AGO3: variants seen among roughly 807,000 people sequenced by gnomAD.
AGO3 encodes the protein argonaute RISC catalytic component 3.
In AGO3, 16 loss-of-function variants were observed where a neutral mutation model predicts 105.5. That is an observed-to-expected ratio of 0.15 (90% confidence interval 0.10 to 0.23). The LOEUF is 0.23. Ranked by LOEUF, AGO3 falls within the 10% of genes least tolerant of loss-of-function variation. AGO3 has a pLI of 1.00. For synonymous variants in AGO3, 340 were observed against 367.3 expected, an observed-to-expected ratio of 0.93 and a Z score of 0.85; for missense variants, 534 against 1,088.0, an observed-to-expected ratio of 0.49 and a Z score of 7.16.
At chr1:36,036,358 T>A in intron 14 of AGO3, 91 bp downstream of exon 14, 1 of 1,214,782 alleles carries the variant, frequency 8.2e-7, no homozygotes, top group Non-Finnish European at 1.2e-6. Context: ...ATTTTCTTTG[T>A]AGCCAACTTT....
intron 2 of AGO3, among the ~76,000 whole-genome samples, chr1:35,961,635 A>G (rs941097389): frequency 3.3e-5 from 5 of 152,160 alleles, no homozygotes; most frequent in East Asian, 1.9e-4. Context: ...CTCATATTAC[A>G]TGATTTCCTA....
In AGO3 at chr1:36,068,730, T is replaced by G. The variant is rs752545952; in HGVS notation, c.*12985T>G. On this transcript the variant is annotated 3_prime_UTR_variant, in exon 19 of 19. Transcript: ENST00000373191. ...ACTTAACCTGTTCATTTCTCTTAATTTATGTATTTATTCTGACTTTATTAT... is the reference window on the plus strand; with the variant it reads ...ACTTAACCTGTTCATTTCTCTTAATGTATGTATTTATTCTGACTTTATTAT... The G allele has an allele frequency of 2.0e-5, 3 of 152,212 alleles. No homozygotes were observed. Among genetic ancestry groups the G allele is most frequent in the Non-Finnish European group, 4.4e-5 (3 of 68,040 alleles). The allele number at this position is 152,212 out of a possible 1,614,324, so 9.4% of individuals were successfully genotyped here.
At position 36,039,775 on chromosome 1, in the gene AGO3, C is replaced by A. The variant is rs572082861; in HGVS notation, c.1843-15C>A. ...TTTATTTATTTATTTATTTATTTTACTTTTTCTAACCTAGGTTGTAGGTAG... is the reference window on the plus strand; with the variant it reads ...TTTATTTATTTATTTATTTATTTTAATTTTTCTAACCTAGGTTGTAGGTAG... On this transcript the variant is annotated splice_polypyrimidine_tract_variant and intron_variant, in intron 14 of 18. Coordinates refer to ENST00000373191, the MANE Select transcript of AGO3 (RefSeq NM_024852.4). 2 of 1,366,320 alleles carry A rather than the reference C, an allele frequency of 1.5e-6. No homozygotes were observed. Among genetic ancestry groups the A allele is most frequent in the East Asian group, 2.7e-5 (1 of 37,176 alleles). 84.6% of individuals were successfully genotyped at this position (1,366,320 alleles called of 1,614,324 possible). A position where few individuals can be genotyped will look rare whatever the true frequency, so the allele number is the denominator to read the frequency against.
At chr1:35,948,694 G>A (rs565593759) in intron 2 of AGO3, among the ~76,000 whole-genome samples, 17 of 152,228 alleles carry the variant, frequency 1.1e-4, no homozygotes, top group African/African-American at 3.8e-4. Flanking sequence ...TATGCTCAAT[G>A]TATTAAGTTT....
rs766931463 is a variant in AGO3 at position 36,008,777 on chromosome 1, C to T, written c.881C>T (p.Thr294Ile). The change falls in exon 7 of 19, where the codon ACC (threonine) becomes ATC (isoleucine). Residue 294 changes from threonine (T) to isoleucine (I), a missense_variant and splice_region_variant. By Grantham distance (89) the Thr-to-Ile change is moderately conservative (BLOSUM62 -1). Coordinates refer to ENST00000373191, the MANE Select transcript of AGO3 (RefSeq NM_024852.4). The surrounding 1 kb of genome is among the most constrained non-coding windows in gnomAD (Gnocchi z 5.1). ...ACAAGGAGGCCTGCCAGTCATCAAACGTAAGAAAAGTTTGTCAGAGCAGCG... is the reference window on the plus strand; with the variant it reads ...ACAAGGAGGCCTGCCAGTCATCAAATGTAAGAAAAGTTTGTCAGAGCAGCG... The part of the protein sequence containing the change: ...NVTRRPASHQ[T>I]FPLQLENGQT... The T allele has an allele frequency of 6.2e-7, 1 of 1,614,040 alleles. No individual in the cohort carries two copies. Among genetic ancestry groups the T allele is most frequent in the South Asian group, 1.1e-5 (1 of 91,072 alleles).
chr1:35,938,625 A>C (rs1646197505), intron 1 of AGO3, among the ~76,000 whole-genome samples: 1 of 152,142 alleles, frequency 6.6e-6, no homozygotes, highest in African/African-American at 2.4e-5. Flanking sequence ...ATAGTGGTTT[A>C]GATTTTTTCC....
rs1473330531 is a variant in AGO3 at position 36,062,092 on chromosome 1, G to T, written c.*6347G>T. On this transcript the variant is annotated 3_prime_UTR_variant, in exon 19 of 19. Coordinates refer to ENST00000373191, the MANE Select transcript of AGO3 (RefSeq NM_024852.4). ...ACTTAACTTTTTAACAAGATTATGG[G>T]TATAGTACCAATGTCCAAAGGGAAA... 3 of 151,592 alleles carry T rather than the reference G, an allele frequency of 2.0e-5. No homozygotes were observed. Among genetic ancestry groups the T allele is most frequent in the African/African-American group, 4.8e-5 (2 of 41,278 alleles). The allele number at this position is 151,592 out of a possible 1,614,324, so 9.4% of individuals were successfully genotyped here. A position where few individuals can be genotyped will look rare whatever the true frequency, so the allele number is the denominator to read the frequency against.
At chr1:35,940,169 C>T (rs545085105) in intron 1 of AGO3, among the ~76,000 whole-genome samples, 9 of 152,102 alleles carry the variant, frequency 5.9e-5, no homozygotes, top group East Asian at 3.9e-4. Flanking sequence ...CAGGTTCAAG[C>T]GATTCTCCTG....
At chr1:35,994,699 G>C (rs947896885) in intron 5 of AGO3, among the ~76,000 whole-genome samples, 1 of 151,944 alleles carries the variant, frequency 6.6e-6, no homozygotes, top group African/African-American at 2.4e-5. Flanking sequence ...GATGCTAACT[G>C]CATAAACAAA....
chr1:36,006,638 C>T (rs546964853), intron 6 of AGO3, among the ~76,000 whole-genome samples: 1 of 152,086 alleles, frequency 6.6e-6, no homozygotes, highest in South Asian at 2.1e-4. Flanking sequence ...TTTTAAGATC[C>T]TCCTTCGATA....
rs1642983263 is a variant in AGO3, at chr1:36,058,354, A to G, written c.*2609A>G. 6.6e-6 allele frequency: 1 copy of G among 152,180 alleles called. No individual in the cohort carries two copies. The highest frequency in any genetic ancestry group is 2.1e-4 in the South Asian group (1 of 4,832). The allele number at this position is 152,180 out of a possible 1,614,324, so 9.4% of individuals were successfully genotyped here. ...ACACTTTAAGGTATTAAAAAGTACTATAAAGCTATCAAAACTGAGTTTATC... is the reference window on the plus strand; with the variant it reads ...ACACTTTAAGGTATTAAAAAGTACTGTAAAGCTATCAAAACTGAGTTTATC... On this transcript the variant is annotated 3_prime_UTR_variant, in exon 19 of 19. Coordinates refer to ENST00000373191, the MANE Select transcript of AGO3 (RefSeq NM_024852.4).
intron 11 of AGO3, among the ~76,000 whole-genome samples, chr1:36,025,194 A>G (rs1369756365): frequency 1.3e-5 from 2 of 152,196 alleles, no homozygotes; most frequent in African/African-American, 4.8e-5. Flanking sequence ...TGCCTTCTTC[A>G]TGGCAAGAAG....
chr1:35,973,650 TTA>T (rs1646907344), intron 5 of AGO3, 139 bp downstream of exon 5: 1 of 974,682 alleles, frequency 1.0e-6, no homozygotes, highest in African/African-American at 1.7e-5. Flanking sequence ...GGAGAAACCT[TTA>T]TATTTTTATT....
chr1:35,932,010 C>A (rs1195402560), intron 1 of AGO3, among the ~76,000 whole-genome samples: 1 of 152,142 alleles, frequency 6.6e-6, no homozygotes, highest in East Asian at 1.9e-4. Flanking sequence ...CAGCCTGGAT[C>A]CCTGCTTATA....
chr1:35,958,712 C>T (rs1646621378), intron 2 of AGO3, among the ~76,000 whole-genome samples: 1 of 151,922 alleles, frequency 6.6e-6, no homozygotes, highest in Admixed American at 6.6e-5. Context: ...TTTTGCATAC[C>T]TTAAACTTTA....
intron 2 of AGO3, among the ~76,000 whole-genome samples, chr1:35,960,882 T>C (rs72661636): frequency 0.048 from 7,291 of 152,100 alleles, 261 homozygotes; most frequent in South Asian, 0.083. Flanking sequence ...AAAAGTAATA[T>C]CTAATGCCAT....
At chr1:36,018,467 G>C (rs182461658) in intron 11 of AGO3, among the ~76,000 whole-genome samples, 15 of 151,846 alleles carry the variant, frequency 9.9e-5, no homozygotes, top group Non-Finnish European at 1.9e-4. Flanking sequence ...TTTGTTTTGA[G>C]ACGGAGTCTT....
chr1:35,998,341 A>G (rs1639937239), intron 5 of AGO3, among the ~76,000 whole-genome samples: 1 of 152,170 alleles, frequency 6.6e-6, no homozygotes, highest in Non-Finnish European at 1.5e-5. Context: ...TTACTCTTAC[A>G]AATAATGCTA....
intron 12 of AGO3, among the ~76,000 whole-genome samples, chr1:36,031,748 T>C (rs200842): frequency 0.051 from 7,786 of 152,260 alleles, 661 homozygotes; most frequent in African/African-American, 0.18. Context: ...TTCCATGAAT[T>C]TGACTATTCT....
Sources: gnomAD v4.1 joint callset for allele counts (sites outside exome capture counted in the v4.1 genomes callset) on GRCh38, gnomAD v4.1.1 for gene constraint, Gnocchi (gnomAD v3.1) non-coding constraint, MANE v1.5 for transcripts, NCBI Gene and HGNC (gene_info 2026-07-23, HGNC 2026-07-21) for gene names.